FUT8: variants seen among roughly 807,000 people sequenced by gnomAD.
The protein encoded by FUT8 is alpha-(1,6)-fucosyltransferase.
FUT8 carries 29 observed loss-of-function variants against 71.3 expected under a neutral mutation model. That is an observed-to-expected ratio of 0.41 (90% CI 0.30 to 0.55). FUT8 has a LOEUF of 0.55. Ranked by LOEUF, FUT8 falls within the 20% of genes least tolerant of loss-of-function variation. The pLI, the probability that FUT8 is intolerant of heterozygous loss-of-function variation, is 0.34. For synonymous variants in FUT8, 254 were observed against 239.3 expected, an observed-to-expected ratio of 1.06 and a Z score of -0.57; for missense variants, 544 against 702.1, an observed-to-expected ratio of 0.77 and a Z score of 2.55.
intron 2 of FUT8, among the ~76,000 whole-genome samples, chr14:65,559,972 CTA>C (rs1479226591): frequency 3.9e-5 from 6 of 152,094 alleles, no homozygotes; most frequent in African/African-American, 1.4e-4. Flanking sequence ...TCTTTTCATT[CTA>C]TGTTTTAGCC....
chr14:65,639,846 AT>A lies in FUT8; in HGVS notation c.597+10243del, dbSNP rs544433255. 2.1e-4 allele frequency among the ~76,000 whole-genome samples: 32 copies of A among 152,232 alleles called. No homozygotes were observed. In the East Asian group the frequency reaches 5.8e-3, roughly 27 times the overall value. ...ACATTTTATAATTTCATTTGTATTTATTTCAGTATGAATTTCTAAAAGATAG... is the reference window on the plus strand; with the variant it reads ...ACATTTTATAATTTCATTTGTATTTATTCAGTATGAATTTCTAAAAGATAG... On this transcript the variant is annotated intron_variant, in intron 6 of 10. Transcript: ENST00000673929.
At chr14:65,610,426 G>A (rs895723852) in intron 3 of FUT8, among the ~76,000 whole-genome samples, 3 of 132,966 alleles carry the variant, frequency 2.3e-5, no homozygotes, top group Non-Finnish European at 4.8e-5. Context: ...TTTCGCTCTT[G>A]TTGCCCTGGC....
chr14:65,362,278 G>A, the FUT8 span, among the ~76,000 whole-genome samples: 26 of 152,150 alleles, frequency 1.7e-4, no homozygotes, highest in Non-Finnish European at 1.5e-4. Context: ...ATAGCACAAC[G>A]CTGTCTTCTA....
At chr14:65,377,591 A>G in the FUT8 span, among the ~76,000 whole-genome samples, 48 of 152,300 alleles carry the variant, frequency 3.2e-4, no homozygotes, top group African/African-American at 1.1e-3. Flanking sequence ...AATTTCTGCT[A>G]TGTGATCCCG....
chr14:65,416,943 G>A (rs915715577), intron 1 of FUT8, among the ~76,000 whole-genome samples: 9 of 151,594 alleles, frequency 5.9e-5, no homozygotes, highest in African/African-American at 1.2e-4. Flanking sequence ...GCCACCATGC[G>A]TGGCTAATTA....
At chr14:65,650,950 A>T (rs1891379107) in intron 6 of FUT8, among the ~76,000 whole-genome samples, 1 of 152,190 alleles carries the variant, frequency 6.6e-6, no homozygotes, top group African/African-American at 2.4e-5. Context: ...CCTGTCCCTC[A>T]TTCCTGTCCT....
chr14:65,392,351 A>G, the FUT8 span, among the ~76,000 whole-genome samples: 8 of 152,256 alleles, frequency 5.3e-5, no homozygotes, highest in Non-Finnish European at 1.0e-4. Context: ...CCAGCTAAGT[A>G]TTCCCTGGAA....
intron 2 of FUT8, among the ~76,000 whole-genome samples, chr14:65,484,482 TG>T (rs748701484): frequency 5.3e-5 from 8 of 152,142 alleles, no homozygotes; most frequent in Non-Finnish European, 1.0e-4. Flanking sequence ...TTTTTTTTAA[TG>T]TGTTGAAATG....
At chr14:65,560,158 C>G (rs1225656694) in intron 2 of FUT8, among the ~76,000 whole-genome samples, 3 of 152,150 alleles carry the variant, frequency 2.0e-5, no homozygotes, top group South Asian at 2.1e-4. Flanking sequence ...ATTTTTGAAG[C>G]CTCTTCTCCA....
At chr14:65,387,911 G>C in the FUT8 span, among the ~76,000 whole-genome samples, 1 of 152,118 alleles carries the variant, frequency 6.6e-6, no homozygotes, top group Non-Finnish European at 1.5e-5. Flanking sequence ...TTTTAAATAG[G>C]GGATGAGGAG....
intron 1 of FUT8, among the ~76,000 whole-genome samples, chr14:65,439,132 CA>C (rs1196280519): frequency 1.3e-5 from 2 of 152,152 alleles, no homozygotes; most frequent in African/African-American, 4.8e-5. Context: ...TTGGAAAACT[CA>C]TCCTATCCCT....
intron 1 of FUT8, among the ~76,000 whole-genome samples, chr14:65,440,730 T>C: frequency 6.6e-6 from 1 of 152,220 alleles, no homozygotes; most frequent in South Asian, 2.1e-4. Flanking sequence ...TTTTTTAAAC[T>C]CTTAAATTTG....
chr14:65,491,219 C>G (rs1167290694), intron 2 of FUT8, among the ~76,000 whole-genome samples: 1 of 152,118 alleles, frequency 6.6e-6, no homozygotes, highest in African/African-American at 2.4e-5. Flanking sequence ...GACTCAACAA[C>G]TCTTTAAATC....
rs533078718 is a variant in FUT8, at chr14:65,513,836, C to A, written c.-227-47501C>A. Reference sequence around the variant, plus strand: ...GAGTGAACAGTAGTATTTAAGCCTTCTAGGGTTTGTTTTACATGCATATCC... The same window carrying A: ...GAGTGAACAGTAGTATTTAAGCCTTATAGGGTTTGTTTTACATGCATATCC... On this transcript the variant is annotated intron_variant, in intron 2 of 10. Coordinates refer to ENST00000673929, the MANE Select transcript of FUT8 (RefSeq NM_001371533.1). Among the ~76,000 whole-genome samples, 42 of 152,234 alleles carry A rather than the reference C, an allele frequency of 2.8e-4. 1 individual carries two copies. The highest frequency in any genetic ancestry group is 6.8e-3 in the Middle Eastern group (2 of 294).
chr14:65,621,553 C>T (rs976243159), intron 5 of FUT8, among the ~76,000 whole-genome samples: 4 of 150,890 alleles, frequency 2.7e-5, no homozygotes, highest in Admixed American at 1.3e-4. Context: ...CACGCCTGGC[C>T]TATTTGTTCC....
chr14:65,396,656 C>T, the FUT8 span, among the ~76,000 whole-genome samples: 1 of 152,210 alleles, frequency 6.6e-6, no homozygotes, highest in Non-Finnish European at 1.5e-5. This position sits in a 1 kb window ranked among gnomAD's most constrained non-coding sequence, Gnocchi z 5.5. Flanking sequence ...CAGACTATAT[C>T]AGCATCTGTG....
Position 65,724,160 on chromosome 14 carries a change from C to A in FUT8, c.1096C>A (p.Arg366Ser). 6.3e-7 allele frequency: 1 copy of A among 1,595,384 alleles called. No individual in the cohort carries two copies. Among genetic ancestry groups the A allele is most frequent in the Non-Finnish European group, 8.5e-7 (1 of 1,173,312 alleles). Residue 366 changes from arginine (R) to serine (S), a missense_variant, in exon 9 of 11, where the codon CGC becomes AGC. By Grantham distance (110) the Arg-to-Ser change is moderately radical. Transcript: ENST00000673929. ...KHPVIGVHVRRTDKVGTEAAF... is the reference protein window; with the variant it reads ...KHPVIGVHVRSTDKVGTEAAF... ...TTTCTCCCCCAGAGTCCATGTCAGA[C>A]GCACAGACAAAGTGGGAACAGAAGC...
At chr14:65,459,383 T>A (rs923659939) in intron 2 of FUT8, among the ~76,000 whole-genome samples, 22 of 152,292 alleles carry the variant, frequency 1.4e-4, no homozygotes, top group African/African-American at 4.8e-4. Context: ...AATAAAAAAA[T>A]TTAGATTTTT....
chr14:65,414,240 C>A (rs545074582), intron 1 of FUT8, among the ~76,000 whole-genome samples: 1 of 152,130 alleles, frequency 6.6e-6, no homozygotes, highest in Non-Finnish European at 1.5e-5. Context: ...AACTGGCTTG[C>A]CTCTATGAAA....
Sources: gnomAD v4.1 joint callset for allele counts (sites outside exome capture counted in the v4.1 genomes callset) on GRCh38, gnomAD v4.1.1 for gene constraint, Gnocchi (gnomAD v3.1) non-coding constraint, MANE v1.5 for transcripts, NCBI Gene and HGNC (gene_info 2026-07-23, HGNC 2026-07-21) for gene names.